PKP2: variants seen among roughly 807,000 people sequenced by gnomAD.
The protein encoded by PKP2 is plakophilin-2.
In PKP2, 73 loss-of-function variants were observed where a neutral mutation model predicts 83.4. The observed-to-expected ratio is 0.88, with a 90% confidence interval of 0.72 to 1.06. PKP2 has a LOEUF of 1.06. PKP2 is among the 50% of genes least tolerant of loss of function. The pLI is 0.00. For missense variants in PKP2, 966 were observed against 1,065.4 expected (o/e 0.91, Z 1.30); for synonymous variants, 409 against 430.4 (o/e 0.95, Z 0.62).
chr12:32,880,925 G>A (rs1956980663), intron 1 of PKP2, among the ~76,000 whole-genome samples: 1 of 152,116 alleles, frequency 6.6e-6, no homozygotes, highest in Admixed American at 6.6e-5. Context: ...AAATCAGAGG[G>A]AAAATATACT....
At chr12:32,826,741 G>T (rs1199540528) in intron 6 of PKP2, among the ~76,000 whole-genome samples, 1 of 152,118 alleles carries the variant, frequency 6.6e-6, no homozygotes, top group African/African-American at 2.4e-5. Flanking sequence ...TACTTTGTGA[G>T]CCCTTTAAGA....
intron 4 of PKP2, among the ~76,000 whole-genome samples, chr12:32,858,102 TA>T (rs1956768963): frequency 3.3e-5 from 3 of 91,986 alleles, no homozygotes; most frequent in African/African-American, 1.3e-4. Flanking sequence ...TATATATATA[TA>T]TATATATATA....
At chr12:32,893,320 G>A (rs1389796332) in intron 1 of PKP2, 2 of 152,162 alleles carry the variant, frequency 1.3e-5, no homozygotes, top group African/African-American at 4.8e-5. Flanking sequence ...GTTGATACAG[G>A]ATTTTTTCCA....
At chr12:32,837,137 AAT>A (rs2099462105) in intron 6 of PKP2, among the ~76,000 whole-genome samples, 1 of 152,238 alleles carries the variant, frequency 6.6e-6, no homozygotes, top group African/African-American at 2.4e-5. Context: ...ATGACAACTG[AAT>A]ATGTCTGTAA....
intron 10 of PKP2, among the ~76,000 whole-genome samples, chr12:32,797,514 TA>T (rs1235101573): frequency 2.7e-5 from 4 of 149,540 alleles, no homozygotes; most frequent in Non-Finnish European, 5.9e-5. Flanking sequence ...GGAAAAATGT[TA>T]ATAGGAGCTG....
intron 9 of PKP2, among the ~76,000 whole-genome samples, chr12:32,805,989 G>A (rs747821932): frequency 6.6e-6 from 1 of 152,176 alleles, no homozygotes; most frequent in Non-Finnish European, 1.5e-5. Context: ...TTTGTCTGTA[G>A]TTCTGTTTAT....
chr12:32,820,155 AT>A (rs1464550654), intron 9 of PKP2: 1 of 152,250 alleles, frequency 6.6e-6, no homozygotes, highest in Non-Finnish European at 1.5e-5. Flanking sequence ...TGGTTTTAGC[AT>A]TTCACAATTT....
At position 32,825,162 on chromosome 12, in the gene PKP2, C is replaced by CTT. The variant is rs10607965; in HGVS notation, c.1557-1002_1557-1001dup. On this transcript the variant is annotated intron_variant, in intron 6 of 12. Coordinates refer to ENST00000340811, the MANE Select transcript of PKP2 (RefSeq NM_001005242.3). ...CCTATAAAATGTATCAGATCAGTTT[C>CTT]TTTTTTTTTTTTTTTTTTTTTTTTG... Among the ~76,000 whole-genome samples the CTT allele has an allele frequency of 9.0e-3, 691 of 76,844 alleles. 2 individuals are homozygous for CTT. The highest frequency in any genetic ancestry group is 0.012 in the African/African-American group (239 of 19,672). The allele number at this position is 76,844 out of a possible 152,430, so 50.4% of individuals were successfully genotyped here.
At chr12:32,831,901 T>C (rs1379375513) in intron 6 of PKP2, among the ~76,000 whole-genome samples, 2 of 152,208 alleles carry the variant, frequency 1.3e-5, no homozygotes, top group East Asian at 1.9e-4. Context: ...AGGAAGAACA[T>C]GGGTGACCAG....
intron 5 of PKP2, among the ~76,000 whole-genome samples, chr12:32,848,923 A>G (rs1459411507): frequency 6.6e-6 from 1 of 151,866 alleles, no homozygotes; most frequent in Non-Finnish European, 1.5e-5. Context: ...AGAGCAAAAT[A>G]TATTCAATTT....
intron 5 of PKP2, among the ~76,000 whole-genome samples, chr12:32,844,181 G>A (rs925184468): frequency 6.6e-6 from 1 of 152,096 alleles, no homozygotes; most frequent in African/African-American, 2.4e-5. Context: ...TCTAATATAG[G>A]ATTTTGCATA....
intron 6 of PKP2, chr12:32,824,418 T>C (rs905453198): frequency 2.1e-6 from 1 of 467,464 alleles, no homozygotes; most frequent in African/African-American, 2.0e-5. Flanking sequence ...GATCAAAACA[T>C]TATTTACTTA....
intron 5 of PKP2, among the ~76,000 whole-genome samples, chr12:32,844,700 C>G (rs997097694): frequency 6.6e-5 from 10 of 152,154 alleles, no homozygotes; most frequent in Non-Finnish European, 1.5e-4. Flanking sequence ...TATCTCTTAT[C>G]AGAAAGTAGA....
intron 1 of PKP2, among the ~76,000 whole-genome samples, chr12:32,883,268 A>G (rs1037554364): frequency 6.6e-6 from 1 of 152,258 alleles, no homozygotes; most frequent in Non-Finnish European, 1.5e-5. Context: ...TAAATAGCCA[A>G]TCTCAAACAA....
intron 6 of PKP2, among the ~76,000 whole-genome samples, chr12:32,831,867 T>G (rs558387413): frequency 6.6e-6 from 1 of 152,304 alleles, no homozygotes; most frequent in East Asian, 1.9e-4. Context: ...CAGTGAGACA[T>G]GTACTCTTAA....
At chr12:32,871,765 C>G (rs1956898350) in intron 3 of PKP2, among the ~76,000 whole-genome samples, 2 of 151,886 alleles carry the variant, frequency 1.3e-5, no homozygotes, top group East Asian at 1.9e-4. Context: ...TGCCCAGCCA[C>G]ATTTTTAAAT....
intron 5 of PKP2, among the ~76,000 whole-genome samples, chr12:32,844,380 T>G (rs1956627968): frequency 6.6e-6 from 1 of 152,172 alleles, no homozygotes; most frequent in Non-Finnish European, 1.5e-5. Context: ...ATATATAGAA[T>G]TTTTATAAAT....
At chr12:32,827,423 C>T (rs1956453023) in intron 6 of PKP2, among the ~76,000 whole-genome samples, 1 of 152,172 alleles carries the variant, frequency 6.6e-6, no homozygotes, top group African/African-American at 2.4e-5. Flanking sequence ...ACCACTGCAT[C>T]CATGAATAGA....
chr12:32,802,834 A>G (rs1222542620), intron 9 of PKP2, among the ~76,000 whole-genome samples: 1 of 151,232 alleles, frequency 6.6e-6, no homozygotes, highest in Non-Finnish European at 1.5e-5. Context: ...AATTTTTTGG[A>G]ATTTTAGTAG....
Sources: gnomAD v4.1 joint callset for allele counts (sites outside exome capture counted in the v4.1 genomes callset) on GRCh38, gnomAD v4.1.1 for gene constraint, MANE v1.5 for transcripts, NCBI Gene and HGNC (gene_info 2026-07-23, HGNC 2026-07-21) for gene names.